The following DNLZ variants were observed in gnomAD, a reference collection of about 807,000 sequenced individuals.
The protein encoded by DNLZ is DNL-type zinc finger.
Under a neutral mutation model 7.8 loss-of-function variants are expected in DNLZ, and 15 were observed. The ratio of observed to expected loss-of-function variants is 1.91; its 90% confidence interval spans 1.28 to 2.95. The LOEUF is 2.95. Ranked by LOEUF, DNLZ falls within the 30% of genes most tolerant of loss-of-function variation. The pLI is 0.00. For missense variants in DNLZ, 255 were observed against 167.3 expected, an observed-to-expected ratio of 1.52 and a Z score of -2.89; for synonymous variants, 123 against 77.8, an observed-to-expected ratio of 1.58 and a Z score of -3.05.
chr9:136,363,513 G>C lies in DNLZ; in HGVS notation c.202C>G (p.His68Asp). The C allele has an allele frequency of 1.3e-6, 1 of 755,762 alleles. No homozygotes were observed. Among genetic ancestry groups the C allele is most frequent in the Non-Finnish European group, 2.4e-6 (1 of 414,316 alleles). The allele number at this position is 755,762 out of a possible 1,614,324, so 46.8% of individuals were successfully genotyped here. A position where few individuals can be genotyped will look rare whatever the true frequency, so the allele number is the denominator to read the frequency against. The change falls in exon 1 of 3, where the codon CAC becomes GAC. Residue 68 changes from histidine to aspartate, a missense_variant. By Grantham distance (81) the His-to-Asp change is moderately conservative. Transcript: ENST00000371738. Reference sequence around the variant, plus strand: ...TTGCAGGTGTAGACGAGCTGGTAGTGCGCCGCCTCCACGCGCCCCAGAGCC... The same window carrying C: ...TTGCAGGTGTAGACGAGCTGGTAGTCCGCCGCCTCCACGCGCCCCAGAGCC... ...AAALGRVEAA[H>D]YQLVYTCKVC...
chr9:136,361,936 G>C lies in DNLZ; in HGVS notation c.*76C>G, dbSNP rs1832986604. 1.8e-6 allele frequency: 2 copies of C among 1,099,586 alleles called. No homozygotes were observed. The highest frequency in any genetic ancestry group is 2.3e-6 in the Non-Finnish European group (2 of 858,996). The allele number at this position is 1,099,586 out of a possible 1,614,324, so 68.1% of individuals were successfully genotyped here. On this transcript the variant is annotated 3_prime_UTR_variant, in exon 3 of 3. Coordinates refer to ENST00000371738, the MANE Select transcript of DNLZ (RefSeq NM_001080849.3). ...ATGTCTGTTTATTGATAGAAAACAG[G>C]CCACGTCCAGAGAGGCCCAGGGCCA...
Position 136,362,979 on chromosome 9 carries a change from C to G in DNLZ, c.368+10G>C. The G allele has an allele frequency of 7.4e-6, 12 of 1,613,412 alleles. No individual in the cohort carries two copies. The highest frequency in any genetic ancestry group is 1.0e-5 in the Non-Finnish European group (12 of 1,179,806). On this transcript the variant is annotated intron_variant, in intron 2 of 2. Transcript: ENST00000371738. ...GGCCTTCTGGCCCAGCCCTGGGGTA[C>G]AGGCCTCACCTCTTCCCATTCAGGT...
chr9:136,360,625 G>C lies in DNLZ; in HGVS notation c.*1387C>G, dbSNP rs932230859. On this transcript the variant is annotated 3_prime_UTR_variant, in exon 3 of 3. Transcript: ENST00000371738. ...GGCGGGATGCTTCTGGCACGCGGGGGGTAGCCATAGGTCTTCTCTAGGAAC... is the reference window on the plus strand; with the variant it reads ...GGCGGGATGCTTCTGGCACGCGGGGCGTAGCCATAGGTCTTCTCTAGGAAC... 1 of 152,084 alleles carries C rather than the reference G, an allele frequency of 6.6e-6. No homozygotes were observed. Among genetic ancestry groups the C allele is most frequent in the East Asian group, 1.9e-4 (1 of 5,184 alleles). The allele number at this position is 152,084 out of a possible 1,614,324, so 9.4% of individuals were successfully genotyped here. A position where few individuals can be genotyped will look rare whatever the true frequency, so the allele number is the denominator to read the frequency against.
Position 136,363,734 on chromosome 9 carries a change from C to CGCCCTGACCCG in DNLZ, c.-21_-20insCGGGTCAGGGC. The stretch of plus-strand genomic sequence containing the variant: ...CAGCATCCCGCTCGCCGGCTCCGTC[C>CGCCCTGACCCG]GCCCTGCCCCGGCCCCGCCCCGCCG... On this transcript the variant is annotated 5_prime_UTR_variant, in exon 1 of 3. Transcript: ENST00000371738. 2.2e-6 allele frequency: 1 copy of CGCCCTGACCCG among 454,782 alleles called. No individual in the cohort carries two copies. Among genetic ancestry groups the CGCCCTGACCCG allele is most frequent in the Non-Finnish European group, 3.8e-6 (1 of 261,620 alleles). 28.2% of individuals were successfully genotyped at this position (454,782 alleles called of 1,614,324 possible).
In DNLZ at chr9:136,361,541, T is replaced by C. The variant is rs1832980323; in HGVS notation, c.*471A>G. 1.3e-5 allele frequency: 2 copies of C among 153,706 alleles called. No homozygotes were observed. The highest frequency in any genetic ancestry group is 1.3e-4 in the Admixed American group (2 of 15,314). 9.5% of individuals were successfully genotyped at this position (153,706 alleles called of 1,614,324 possible). On this transcript the variant is annotated 3_prime_UTR_variant, in exon 3 of 3. Coordinates refer to ENST00000371738, the MANE Select transcript of DNLZ (RefSeq NM_001080849.3). ...CAGGCAGCCTGGTTTGCTCACTGTTTCGCCGACGGCCGGCGGCCGAGGACC... is the reference window on the plus strand; with the variant it reads ...CAGGCAGCCTGGTTTGCTCACTGTTCCGCCGACGGCCGGCGGCCGAGGACC...
chr9:136,362,287 C>A, intron 2 of DNLZ, 107 bp from the exon 3 acceptor site: 1 of 1,032,470 alleles, frequency 9.7e-7, no homozygotes, highest in Non-Finnish European at 1.3e-6. Flanking sequence ...GCACCAGGCC[C>A]AGCACTCCTG....
chr9:136,363,357 A>C, intron 1 of DNLZ, 130 bp downstream of exon 1: 1 of 719,116 alleles, frequency 1.4e-6, no homozygotes, highest in Non-Finnish European at 2.5e-6. Context: ...AGAAGCCCCA[A>C]GGGGTGGCTC....
chr9:136,363,460 C>T, intron 1 of DNLZ, 27 bp downstream of exon 1: 1 of 762,332 alleles, frequency 1.3e-6, no homozygotes, highest in Non-Finnish European at 2.4e-6. Flanking sequence ...CGGGTCTGTC[C>T]CCGGTTCCGT....
chr9:136,363,336 C>T (rs935098200), intron 1 of DNLZ, 151 bp downstream of exon 1: 1 of 690,372 alleles, frequency 1.4e-6, no homozygotes. Flanking sequence ...GGTCCGCCTC[C>T]GCTCCCTCCC....
In DNLZ at chr9:136,363,689, G is replaced by C; in HGVS notation, c.26C>G (p.Ala9Gly). The C allele has an allele frequency of 2.4e-6, 1 of 412,828 alleles. No homozygotes were observed. Among genetic ancestry groups the C allele is most frequent in the Non-Finnish European group, 4.2e-6 (1 of 236,174 alleles). 25.6% of individuals were successfully genotyped at this position (412,828 alleles called of 1,614,324 possible). A position where few individuals can be genotyped will look rare whatever the true frequency, so the allele number is the denominator to read the frequency against. ...CTGCACGCGACTCAGCAACCTCGGC[G>C]CGCCGCGCAGCGCAGTCCGCAGCAT... The part of the protein sequence containing the change: MLRTALRG[A>G]PRLLSRVQPR... The change falls in exon 1 of 3, where the codon GCG becomes GGG. Residue 9 changes from alanine to glycine, a missense_variant. Transcript: ENST00000371738.
In DNLZ at chr9:136,362,284, G is replaced by C. The variant is rs568757176; in HGVS notation, c.369-104C>G. The C allele has an allele frequency of 2.2e-5, 23 of 1,053,346 alleles. No individual in the cohort carries two copies. In the African/African-American group the frequency reaches 3.6e-4, roughly 16 times the overall value. 65.2% of individuals were successfully genotyped at this position (1,053,346 alleles called of 1,614,324 possible). On this transcript the variant is annotated intron_variant, in intron 2 of 2. Coordinates refer to ENST00000371738, the MANE Select transcript of DNLZ (RefSeq NM_001080849.3). The stretch of plus-strand genomic sequence containing the variant: ...GCCAGGCCAGAGCTGCAAGCACCAG[G>C]CCCAGCACTCCTGTGGCATCAGGCC...
rs901939037 is a variant in DNLZ, at chr9:136,363,537, C to T, written c.178G>A (p.Ala60Thr). 1 of 733,874 alleles carries T rather than the reference C, an allele frequency of 1.4e-6. No homozygotes were observed. Among genetic ancestry groups the T allele is most frequent in the East Asian group, 2.6e-5 (1 of 38,706 alleles). The allele number at this position is 733,874 out of a possible 1,614,324, so 45.5% of individuals were successfully genotyped here. ...SSEQGPGPAA[A>T]LGRVEAAHYQ... is the part of the protein sequence containing the mutation. ...TGCGCCGCCTCCACGCGCCCCAGAG[C>T]CGCCGCGGGCCCCGGCCCCTGCTCG... The change falls in exon 1 of 3, where the codon GCT becomes ACT. Residue 60 changes from alanine to threonine, a missense_variant. Ala to Thr is a moderately conservative substitution (Grantham distance 58). Transcript: ENST00000371738.
Position 136,362,053 on chromosome 9 carries a change from C to G in DNLZ, c.496G>C (p.Asp166His). 2.1e-6 allele frequency: 3 copies of G among 1,411,180 alleles called. No homozygotes were observed. Among genetic ancestry groups the G allele is most frequent in the Non-Finnish European group, 2.8e-6 (3 of 1,073,874 alleles). 87.4% of individuals were successfully genotyped at this position (1,411,180 alleles called of 1,614,324 possible). Reference sequence around the variant, plus strand: ...TTGCCAGGGCTGGGGGGACCCTCATCCTCACCCGCTTCCGGAGCTGCAGTG... The same window carrying G: ...TTGCCAGGGCTGGGGGGACCCTCATGCTCACCCGCTTCCGGAGCTGCAGTG... ...TSTAAPEAGEDEGPPSPGKTE... is the reference protein window; with the variant it reads ...TSTAAPEAGEHEGPPSPGKTE... Residue 166 changes from aspartate (D) to histidine (H), a missense_variant, in exon 3 of 3, where the codon GAT becomes CAT. Asp to His is a moderately conservative substitution (Grantham distance 81). Transcript: ENST00000371738.
At chr9:136,362,396 G>A (rs1375361627) in intron 2 of DNLZ, among the ~76,000 whole-genome samples, 1 of 152,216 alleles carries the variant, frequency 6.6e-6, no homozygotes, top group South Asian at 2.1e-4. Flanking sequence ...CCAGTCTCCT[G>A]CTCCTGCCCC....
rs1358788149 is a variant in DNLZ at position 136,363,648 on chromosome 9, G to A, written c.67C>T (p.Leu23=). The A allele has an allele frequency of 9.3e-6, 4 of 429,380 alleles. No individual in the cohort carries two copies. Among genetic ancestry groups the A allele is most frequent in the Non-Finnish European group, 1.2e-5 (3 of 247,886 alleles). 26.6% of individuals were successfully genotyped at this position (429,380 alleles called of 1,614,324 possible). The change falls in exon 1 of 3, where the codon CTG becomes TTG. Residue 23 remains leucine (L), a synonymous_variant. Coordinates refer to ENST00000371738, the MANE Select transcript of DNLZ (RefSeq NM_001080849.3). ...LSRVQPRAPC[L]RRLWGRGARP... Reference sequence around the variant, plus strand: ...GCCCCGCGGCCCCACAGCCGCCTCAGGCAGGGCGCCCGGGGCTGCACGCGA... The same window carrying A: ...GCCCCGCGGCCCCACAGCCGCCTCAAGCAGGGCGCCCGGGGCTGCACGCGA...
At position 136,362,096 on chromosome 9, in the gene DNLZ, A is replaced by G. The variant is rs545444002; in HGVS notation, c.453T>C (p.Ala151=). 2 of 1,471,314 alleles carry G rather than the reference A, an allele frequency of 1.4e-6. No homozygotes were observed. The highest frequency in any genetic ancestry group is 1.8e-6 in the Non-Finnish European group (2 of 1,109,168). The allele number at this position is 1,471,314 out of a possible 1,614,324, so 91.1% of individuals were successfully genotyped here. A position where few individuals can be genotyped will look rare whatever the true frequency, so the allele number is the denominator to read the frequency against. The change falls in exon 3 of 3, where the codon GCT becomes GCC. Residue 151 remains alanine (A), a synonymous_variant. Transcript: ENST00000371738. ...GEGALELVLE[A]AGAPTSTAAP... is the part of the protein sequence containing the mutation. ...CTGCAGTGGATGTGGGGGCCCCTGCAGCCTCCAGAACCAGTTCCAGGGCCC... is the reference window on the plus strand; with the variant it reads ...CTGCAGTGGATGTGGGGGCCCCTGCGGCCTCCAGAACCAGTTCCAGGGCCC...
rs145444033 is a variant in DNLZ, at chr9:136,361,876, G to A, written c.*136C>T. 376 of 630,576 alleles carry A rather than the reference G, an allele frequency of 6.0e-4. No individual in the cohort carries two copies. In the African/African-American group the frequency reaches 6.3e-3, roughly 11 times the overall value. The allele number at this position is 630,576 out of a possible 1,614,324, so 39.1% of individuals were successfully genotyped here. A position where few individuals can be genotyped will look rare whatever the true frequency, so the allele number is the denominator to read the frequency against. ...TCGTTCTAACTCCAGAAAAAGAAAG[G>A]CCACGAGGGCCACAGGCCCCAGCAT... On this transcript the variant is annotated 3_prime_UTR_variant, in exon 3 of 3. Coordinates refer to ENST00000371738, the MANE Select transcript of DNLZ (RefSeq NM_001080849.3).
intron 1 of DNLZ, 147 bp from the exon 2 acceptor site, chr9:136,363,275 C>G: frequency 1.1e-6 from 1 of 910,644 alleles, no homozygotes; most frequent in Non-Finnish European, 1.7e-6. Context: ...CCCCCAACCT[C>G]GCCCTCTCCC....
At chr9:136,363,156 CTG>C (rs1833015040) in intron 1 of DNLZ, 28 bp from the exon 2 acceptor site, 2 of 1,608,994 alleles carry the variant, frequency 1.2e-6, no homozygotes, top group East Asian at 2.2e-5. Context: ...GCTGGTGAGG[CTG>C]TGAGGGCCGC....
Sources: gnomAD v4.1 joint callset for allele counts (sites outside exome capture counted in the v4.1 genomes callset) on GRCh38, gnomAD v4.1.1 for gene constraint, MANE v1.5 for transcripts, NCBI Gene and HGNC (gene_info 2026-07-23, HGNC 2026-07-21) for gene names.